Variants in METTL22 observed in about 807,000 individuals in gnomAD.
The protein encoded by METTL22 is methyltransferase 22, Kin17 lysine, also known as methyltransferase-like protein 22.
A neutral mutation model predicts 48.4 loss-of-function variants in METTL22; 51 were observed. The observed-to-expected ratio is 1.05, with a 90% CI of 0.84 to 1.33. METTL22 has a LOEUF of 1.33. Ranked by LOEUF, METTL22 falls within the 40% of genes most tolerant of loss-of-function variation. The probability of loss-of-function intolerance (pLI) is 0.00; values close to 1 mark genes in which losing one functional copy is unlikely to be tolerated. For missense variants in METTL22, 678 were observed against 526.9 expected (o/e 1.29, Z -2.81); for synonymous variants, 255 against 214.1 (o/e 1.19, Z -1.67).
the METTL22 span, among the ~76,000 whole-genome samples, chr16:8,660,800 GAGGAGGAGGAGGAGGAGGAGGAGGA>G: frequency 5.2e-5 from 1 of 19,220 alleles, no homozygotes; most frequent in Non-Finnish European, 1.2e-4. Context: ...GGAGGAGGAG[GAGGAGGAGGAGGAGGAGGAGGAGGA>G]GGAGGGGGAG....
Position 8,641,073 on chromosome 16 carries a change from C to T in METTL22, c.773-58C>T, listed in dbSNP as rs2056600277. The T allele has an allele frequency of 3.3e-6, 5 of 1,537,314 alleles. No homozygotes were observed. The Middle Eastern group carries it at 6.8e-4, about 208-fold the overall frequency. ...CTTCATATATAGTGTAAAAGTTTAT[C>T]TTTTTTTCCTGATGATGTTTAGAGT... On this transcript the variant is annotated intron_variant, in intron 6 of 10. Coordinates refer to ENST00000381920, the MANE Select transcript of METTL22 (RefSeq NM_024109.4).
rs1305985207 is a variant in METTL22 at position 8,625,750 on chromosome 16, C to A, written c.85C>A (p.Pro29Thr). 2.0e-5 allele frequency: 33 copies of A among 1,614,216 alleles called. No homozygotes were observed. Among genetic ancestry groups the A allele is most frequent in the Non-Finnish European group, 2.5e-5 (30 of 1,180,042 alleles). ...TVLSDVHLYT[P>T]NHRHLMVRLN... ...GCTGTCAGATGTCCACCTCTATACC[C>A]CGAACCATAGACATCTCATGGTACG... Residue 29 changes from proline (P) to threonine (T), a missense_variant, in exon 2 of 11, where the codon CCG becomes ACG. By Grantham distance (38) the Pro-to-Thr change is conservative. Coordinates refer to ENST00000381920, the MANE Select transcript of METTL22 (RefSeq NM_024109.4).
At chr16:8,642,602 G>T (rs377511114) in intron 9 of METTL22, 37 bp downstream of exon 9, 77 of 1,580,452 alleles carry the variant, frequency 4.9e-5, no homozygotes, top group Non-Finnish European at 6.0e-5. Flanking sequence ...CTGACGTCCC[G>T]AGTGTCAGCG....
chr16:8,639,413 G>A (rs758671522), intron 6 of METTL22: 12 of 551,750 alleles, frequency 2.2e-5, no homozygotes, highest in South Asian at 4.2e-5. Context: ...CACTGGCGGC[G>A]GCCCCTGAGC....
chr16:8,624,623 T>C (rs780440096), intron 1 of METTL22, among the ~76,000 whole-genome samples: 2 of 151,900 alleles, frequency 1.3e-5, no homozygotes, highest in Non-Finnish European at 2.9e-5. Context: ...CCCAGCACTT[T>C]AGGAAGCTGA....
the METTL22 span, among the ~76,000 whole-genome samples, chr16:8,655,970 A>G: frequency 1.3e-5 from 2 of 152,206 alleles, no homozygotes; most frequent in Non-Finnish European, 2.9e-5. Context: ...ACTCACCACC[A>G]TGCCCTCCAC....
chr16:8,661,385 A>G, the METTL22 span, among the ~76,000 whole-genome samples: 13 of 151,346 alleles, frequency 8.6e-5, no homozygotes, highest in Non-Finnish European at 1.5e-4. Flanking sequence ...GGTGGCTCAC[A>G]CCTGTAATCC....
downstream of METTL22, among the ~76,000 whole-genome samples, chr16:8,652,114 G>A (rs2056908047): frequency 6.6e-6 from 1 of 152,156 alleles, no homozygotes; most frequent in African/African-American, 2.4e-5. Flanking sequence ...GAGAAATGCT[G>A]CCAGGGACAC....
chr16:8,628,102 A>G (rs1161841871), intron 2 of METTL22, among the ~76,000 whole-genome samples: 1 of 152,246 alleles, frequency 6.6e-6, no homozygotes, highest in Non-Finnish European at 1.5e-5. Flanking sequence ...TGTGGTTGCC[A>G]CATCTGTGTC....
At chr16:8,655,185 A>G in the METTL22 span, among the ~76,000 whole-genome samples, 2 of 152,242 alleles carry the variant, frequency 1.3e-5, no homozygotes, top group South Asian at 2.1e-4. Context: ...TGGGTCATAA[A>G]TCTGGGCTTA....
In METTL22 at chr16:8,629,005, G is replaced by T; in HGVS notation, c.409G>T (p.Ala137Ser). The T allele has an allele frequency of 6.2e-7, 1 of 1,614,120 alleles. No homozygotes were observed. Among genetic ancestry groups the T allele is most frequent in the South Asian group, 1.1e-5 (1 of 91,086 alleles). ...ACGAGCCGCCTCTGATTCCAACCCA[G>T]CAGGGCCTCTGAGAGACAAGGTACA... ...RPRAASDSNP[A>S]GPLRDKVHPM... The change falls in exon 3 of 11, where the codon GCA becomes TCA. Residue 137 changes from alanine to serine, a missense_variant. Ala to Ser is a moderately conservative substitution (Grantham distance 99). Transcript: ENST00000381920.
Position 8,639,157 on chromosome 16 carries a change from C to T in METTL22, c.767C>T (p.Thr256Ile), listed in dbSNP as rs375477859. ...GCCCTCAACAGCCACCTGGCTGCCA[C>T]TGGAGGTGAGGCCCAGGGGGTCTTC... Reference protein sequence around the residue: ...NIALNSHLAATGGGIVRVKEL... With the variant: ...NIALNSHLAAIGGGIVRVKEL... Residue 256 changes from threonine (T) to isoleucine (I), a missense_variant, in exon 6 of 11, where the codon ACT (threonine) becomes ATT (isoleucine). Thr to Ile is a moderately conservative substitution (Grantham distance 89, BLOSUM62 -1). Coordinates refer to ENST00000381920, the MANE Select transcript of METTL22 (RefSeq NM_024109.4). The T allele has an allele frequency of 1.2e-6, 2 of 1,614,022 alleles. No individual in the cohort carries two copies. The highest frequency in any genetic ancestry group is 2.2e-5 in the South Asian group (2 of 91,086).
the METTL22 span, among the ~76,000 whole-genome samples, chr16:8,664,297 C>T: frequency 6.6e-6 from 1 of 152,086 alleles, no homozygotes; most frequent in African/African-American, 2.4e-5. Context: ...TCACCTGTGA[C>T]ACCATGCCCA....
chr16:8,642,729 A>G, intron 9 of METTL22, 164 bp downstream of exon 9: 2 of 693,660 alleles, frequency 2.9e-6, no homozygotes, highest in South Asian at 1.6e-5. Context: ...ACGTTACTGC[A>G]CTGAATCTGC....
At chr16:8,655,732 T>G in the METTL22 span, among the ~76,000 whole-genome samples, 2 of 152,246 alleles carry the variant, frequency 1.3e-5, no homozygotes, top group South Asian at 4.1e-4. Flanking sequence ...GCCAGCATTG[T>G]GATGCAGAGA....
chr16:8,639,170 C>T lies in METTL22; in HGVS notation c.772+8C>T. On this transcript the variant is annotated splice_region_variant and intron_variant, in intron 6 of 10. Coordinates refer to ENST00000381920, the MANE Select transcript of METTL22 (RefSeq NM_024109.4). ...ACCTGGCTGCCACTGGAGGTGAGGC[C>T]CAGGGGGTCTTCTGCCAGGGAGGGA... 1 of 1,613,784 alleles carries T rather than the reference C, an allele frequency of 6.2e-7. No individual in the cohort carries two copies. The highest frequency in any genetic ancestry group is 1.3e-5 in the African/African-American group (1 of 75,006).
intron 5 of METTL22, among the ~76,000 whole-genome samples, chr16:8,636,364 G>C (rs1285085274): frequency 6.6e-6 from 1 of 152,054 alleles, no homozygotes; most frequent in Non-Finnish European, 1.5e-5. Flanking sequence ...GTGAAACCCT[G>C]TCTGTACTAA....
At chr16:8,653,090 G>A (rs1273848280), downstream of METTL22, among the ~76,000 whole-genome samples, 1 of 152,208 alleles carries the variant, frequency 6.6e-6, no homozygotes, top group Admixed American at 6.5e-5. Context: ...ATTGGAAGCA[G>A]GCAGTGGATC....
chr16:8,640,472 A>C, intron 6 of METTL22, among the ~76,000 whole-genome samples: 1 of 149,086 alleles, frequency 6.7e-6, no homozygotes, highest in South Asian at 2.2e-4. Context: ...AGCACTCAAA[A>C]AATGCTGGAA....
Sources: allele counts gnomAD v4.1 joint callset (sites outside exome capture counted in the v4.1 genomes callset), GRCh38; gene constraint gnomAD v4.1.1; transcripts MANE v1.5; gene names NCBI Gene and HGNC (gene_info 2026-07-23, HGNC 2026-07-21).